The following CAMK2B variants were observed in gnomAD, a reference collection of about 807,000 sequenced individuals.
The protein encoded by CAMK2B is calcium/calmodulin dependent protein kinase II beta.
In CAMK2B, 27 loss-of-function variants were observed where a neutral mutation model predicts 93.7. The ratio of observed to expected loss-of-function variants is 0.29; its 90% CI spans 0.21 to 0.40. The LOEUF is 0.40. Ranked by LOEUF, CAMK2B falls within the 10% of genes least tolerant of loss-of-function variation. The pLI is 1.00. For missense variants in CAMK2B, 568 were observed against 895.8 expected, an observed-to-expected ratio of 0.63 and a Z score of 4.67; for synonymous variants, 374 against 358.8, an observed-to-expected ratio of 1.04 and a Z score of -0.48.
chr7:44,308,108 G>A (rs143934531), intron 1 of CAMK2B, among the ~76,000 whole-genome samples: 107 of 152,320 alleles, frequency 7.0e-4, no homozygotes, highest in East Asian at 6.7e-3. Flanking sequence ...TCACCCACAC[G>A]GGATGTGCCC....
chr7:44,262,343 C>G (rs951971142), intron 3 of CAMK2B, among the ~76,000 whole-genome samples: 4 of 152,210 alleles, frequency 2.6e-5, no homozygotes, highest in Non-Finnish European at 5.9e-5. Context: ...CCTGGCTGCT[C>G]CCCGACAAAG....
intron 1 of CAMK2B, among the ~76,000 whole-genome samples, chr7:44,291,288 GC>G (rs1233691777): frequency 1.3e-5 from 2 of 152,166 alleles, no homozygotes; most frequent in South Asian, 2.1e-4. Context: ...ACAAGCAGGT[GC>G]CCCGCCAGGC....
intron 15 of CAMK2B, 84 bp from the exon 16 acceptor site, chr7:44,232,950 GGA>G: frequency 8.2e-7 from 1 of 1,223,222 alleles, no homozygotes; most frequent in Non-Finnish European, 1.2e-6. Context: ...AGGGGAACAG[GGA>G]GACAGAGGAG....
intron 13 of CAMK2B, among the ~76,000 whole-genome samples, chr7:44,235,518 A>G (rs2096617438): frequency 6.6e-6 from 1 of 152,272 alleles, no homozygotes; most frequent in African/African-American, 2.4e-5. Flanking sequence ...TAAAAAACCA[A>G]AAGAGGAAGT....
At chr7:44,258,828 G>A (rs1428581392) in intron 4 of CAMK2B, 44 bp downstream of exon 4, 6 of 1,588,004 alleles carry the variant, frequency 3.8e-6, no homozygotes, top group Admixed American at 3.4e-5. Context: ...CCTGAGCCAA[G>A]GCTGGGAGTG....
rs572783547 is a variant in CAMK2B at position 44,231,160 on chromosome 7, T to A, written c.1177-106A>T. The A allele has an allele frequency of 1.4e-4, 119 of 826,592 alleles. No individual in the cohort carries two copies. The African/African-American group carries it at 1.9e-3, about 14-fold the overall frequency. The allele number at this position is 826,592 out of a possible 1,614,324, so 51.2% of individuals were successfully genotyped here. The stretch of plus-strand genomic sequence containing the variant: ...GGCCTGTGTCAGGACCAGCCCAGGC[T>A]CTGAAGCTGATCTCTGCCTCGGCTG... On this transcript the variant is annotated intron_variant, in intron 16 of 23. Coordinates refer to ENST00000395749, the MANE Select transcript of CAMK2B (RefSeq NM_001220.5).
At position 44,231,103 on chromosome 7, in the gene CAMK2B, G is replaced by GGGACGTGGCTGAGGGCAGGT. The variant is rs1476526268; in HGVS notation, c.1177-69_1177-50dup. The GGGACGTGGCTGAGGGCAGGT allele has an allele frequency of 4.7e-6, 7 of 1,502,032 alleles. No homozygotes were observed. The African/African-American group carries it at 9.7e-5, about 21-fold the overall frequency. 93.0% of individuals were successfully genotyped at this position (1,502,032 alleles called of 1,614,324 possible). On this transcript the variant is annotated intron_variant, in intron 16 of 23. Transcript: ENST00000395749. ...GGTCAGGATGCGGCCAAGGATAGGT[G>GGGACGTGGCTGAGGGCAGGT]GGACGTGGCTGAGGGCAGGTGGACA...
intron 2 of CAMK2B, among the ~76,000 whole-genome samples, chr7:44,280,673 C>T (rs994985012): frequency 2.6e-5 from 4 of 152,190 alleles, no homozygotes; most frequent in African/African-American, 9.7e-5. Flanking sequence ...AGTGTGGGGT[C>T]TCAGTGGCTC....
intron 1 of CAMK2B, among the ~76,000 whole-genome samples, chr7:44,317,603 T>C (rs1795126987): frequency 6.6e-6 from 1 of 151,804 alleles, no homozygotes; most frequent in Admixed American, 6.6e-5. Flanking sequence ...ATTTTGGATA[T>C]AAAGTTAAAT....
chr7:44,245,953 G>A (rs2096725605), intron 6 of CAMK2B, among the ~76,000 whole-genome samples: 2 of 152,016 alleles, frequency 1.3e-5, no homozygotes, highest in Admixed American at 1.3e-4. Context: ...TGAAGAAGGA[G>A]GAAAGGAGAT....
chr7:44,231,861 C>G (rs2096582464), intron 16 of CAMK2B, among the ~76,000 whole-genome samples: 1 of 152,220 alleles, frequency 6.6e-6, no homozygotes, highest in Admixed American at 6.5e-5. Context: ...AAACATCTTA[C>G]AAGGTCCCTG....
At chr7:44,237,461 GT>G (rs1227569833) in intron 13 of CAMK2B, among the ~76,000 whole-genome samples, 1 of 152,228 alleles carries the variant, frequency 6.6e-6, no homozygotes. Context: ...AGACGTCCCT[GT>G]TGTCTCAGTC....
intron 2 of CAMK2B, among the ~76,000 whole-genome samples, chr7:44,273,478 C>G (rs1562976047): frequency 6.6e-6 from 1 of 152,174 alleles, no homozygotes; most frequent in Non-Finnish European, 1.5e-5. Context: ...ACGGTGGCCC[C>G]CCACAGGGCA....
intron 1 of CAMK2B, among the ~76,000 whole-genome samples, chr7:44,324,627 T>C (rs1797008146): frequency 1.3e-5 from 2 of 151,414 alleles, no homozygotes; most frequent in Non-Finnish European, 3.0e-5. Flanking sequence ...CCGCCAACAG[T>C]CCAAAATCCA....
chr7:44,221,166 G>A (rs2096399774), intron 20 of CAMK2B, among the ~76,000 whole-genome samples: 1 of 152,232 alleles, frequency 6.6e-6, no homozygotes. Context: ...CAAAATGCCT[G>A]GAAAATGCAG....
intron 3 of CAMK2B, chr7:44,259,397 G>A (rs2096861074): frequency 1.2e-5 from 2 of 171,826 alleles, no homozygotes; most frequent in Non-Finnish European, 2.6e-5. Flanking sequence ...TCTTCCCAGG[G>A]CTGCCTTCTG....
chr7:44,230,388 G>A (rs1277513488), intron 17 of CAMK2B: 1 of 153,042 alleles, frequency 6.5e-6, no homozygotes, highest in Non-Finnish European at 1.5e-5. Flanking sequence ...AGGTGACCGT[G>A]TGAGCGATGA....
chr7:44,250,770 C>T (rs956835092), intron 5 of CAMK2B, among the ~76,000 whole-genome samples: 6 of 152,164 alleles, frequency 3.9e-5, no homozygotes, highest in Admixed American at 6.5e-5. Context: ...CCTTGTGATC[C>T]GCCCGCCTCG....
At chr7:44,308,946 G>C (rs907065625) in intron 1 of CAMK2B, among the ~76,000 whole-genome samples, 1 of 152,196 alleles carries the variant, frequency 6.6e-6, no homozygotes, top group Non-Finnish European at 1.5e-5. Flanking sequence ...TCCAGCAAAG[G>C]CACTGAGGGA....
Sources: gnomAD v4.1 joint callset for allele counts (sites outside exome capture counted in the v4.1 genomes callset) on GRCh38, gnomAD v4.1.1 for gene constraint, MANE v1.5 for transcripts, NCBI Gene and HGNC (gene_info 2026-07-23, HGNC 2026-07-21) for gene names.